The following WEE2 variants were observed in gnomAD, a reference collection of about 807,000 sequenced individuals.
The protein encoded by WEE2 is WEE2 oocyte meiosis inhibiting kinase, also known as wee1-like protein kinase 2.
WEE2 carries 50 observed loss-of-function variants against 60.1 expected under a neutral mutation model. That is an observed-to-expected ratio of 0.83 (90% CI 0.66 to 1.05). The LOEUF (loss-of-function observed/expected upper bound fraction) is 1.05, where lower values mean the gene tolerates loss of function less well. Among genes scored for constraint, WEE2 ranks in the 50% least tolerant of loss-of-function variants. The probability of loss-of-function intolerance (pLI) is 0.00; values close to 1 mark genes in which losing one functional copy is unlikely to be tolerated. For synonymous variants in WEE2, 240 were observed against 241.0 expected, an observed-to-expected ratio of 1.00 and a Z score of 0.04; for missense variants, 631 against 684.3, an observed-to-expected ratio of 0.92 and a Z score of 0.87.
At chr7:141,725,294 C>A in intron 9 of WEE2, 98 bp downstream of exon 9, 1 of 1,347,424 alleles carries the variant, frequency 7.4e-7, no homozygotes, top group South Asian at 1.5e-5. Flanking sequence ...CTAGTAGTGT[C>A]ACTAACAGAA....
At chr7:141,712,620 G>T (rs764003264) in intron 1 of WEE2, among the ~76,000 whole-genome samples, 2 of 152,032 alleles carry the variant, frequency 1.3e-5, no homozygotes, top group African/African-American at 2.4e-5. Context: ...ATCATAAGTG[G>T]TGCTCACAAA....
At chr7:141,723,911 C>T in intron 6 of WEE2, 30 bp from the exon 7 acceptor site, 1 of 1,423,780 alleles carries the variant, frequency 7.0e-7, no homozygotes, top group Non-Finnish European at 9.8e-7. Context: ...GAAGTCATTA[C>T]TTACATCTAT....
Position 141,729,555 on chromosome 7 carries a change from C to G in WEE2, c.1560C>G (p.Ala520=). ...LERELREAQQ[A]QSPQGYTHHG... is the part of the protein sequence containing the mutation. ...GGGAACTGAGAGAAGCCCAGCAGGC[C>G]CAGTCACCCCAGGGATATACCCATC... The change falls in exon 11 of 12, where the codon GCC becomes GCG. Residue 520 remains alanine, a synonymous_variant. Coordinates refer to ENST00000397541, the MANE Select transcript of WEE2 (RefSeq NM_001105558.1). The G allele has an allele frequency of 1.2e-6, 2 of 1,614,160 alleles. No homozygotes were observed. Among genetic ancestry groups the G allele is most frequent in the Non-Finnish European group, 1.7e-6 (2 of 1,180,030 alleles).
At chr7:141,726,944 G>A (rs1364592465) in intron 9 of WEE2, among the ~76,000 whole-genome samples, 1 of 152,226 alleles carries the variant, frequency 6.6e-6, no homozygotes, top group African/African-American at 2.4e-5. Flanking sequence ...GTGGTAGAAA[G>A]TAAACTGGAG....
intron 10 of WEE2, 39 bp downstream of exon 10, chr7:141,727,485 A>G: frequency 6.2e-7 from 1 of 1,610,020 alleles, no homozygotes; most frequent in Non-Finnish European, 8.5e-7. Flanking sequence ...AAAGAATCTG[A>G]GCACTACTCA....
In WEE2 at chr7:141,714,349, G is replaced by A. The variant is rs776329174; in HGVS notation, c.483G>A (p.Glu161=). ...TCAATATTAATCCCTTCACTCCAGA[G>A]TCCTATAAAAAATTATTTCTTCAAT... ...ALVNINPFTP[E]SYKKLFLQSG... Residue 161 remains glutamate, a synonymous_variant, in exon 2 of 12, where the codon GAG becomes GAA. Transcript: ENST00000397541. 3 of 1,613,052 alleles carry A rather than the reference G, an allele frequency of 1.9e-6. No homozygotes were observed. Among genetic ancestry groups the A allele is most frequent in the Non-Finnish European group, 1.7e-6 (2 of 1,179,660 alleles).
chr7:141,721,763 C>T (rs571552146), intron 5 of WEE2, among the ~76,000 whole-genome samples: 4 of 152,190 alleles, frequency 2.6e-5, no homozygotes, highest in Admixed American at 2.0e-4. Flanking sequence ...TGCATCTAGC[C>T]GAGTGACTTC....
At chr7:141,716,291 C>T (rs372210789) in intron 3 of WEE2, 24 bp downstream of exon 3, 114 of 1,610,030 alleles carry the variant, frequency 7.1e-5, no homozygotes, top group Middle Eastern at 1.7e-4. Flanking sequence ...TTTGTCCCAG[C>T]GGCCACAATA....
rs569804305 is a variant in WEE2, at chr7:141,708,468, GT to G, written c.-290del. On this transcript the variant is annotated 5_prime_UTR_variant, in exon 1 of 12. It removes the in-frame stop codon of an upstream open reading frame in the 5' UTR. Coordinates refer to ENST00000397541, the MANE Select transcript of WEE2 (RefSeq NM_001105558.1). ...TATTTGGTAACACATGGGAGACTATGTGTCATATCCAGAAGAGTTCTGTACA... is the reference window on the plus strand; with the variant it reads ...TATTTGGTAACACATGGGAGACTATGGTCATATCCAGAAGAGTTCTGTACA... The G allele has an allele frequency of 7.6e-4, 300 of 394,262 alleles. 1 individual carries two copies. The highest frequency in any genetic ancestry group is 5.2e-3 in the African/African-American group (262 of 50,338). 24.4% of individuals were successfully genotyped at this position (394,262 alleles called of 1,614,324 possible). A position where few individuals can be genotyped will look rare whatever the true frequency, so the allele number is the denominator to read the frequency against.
At chr7:141,720,787 A>T in intron 4 of WEE2, 148 bp from the exon 5 acceptor site, 1 of 893,016 alleles carries the variant, frequency 1.1e-6, no homozygotes. Context: ...ATGATTATTA[A>T]GATTCAATGA....
intron 2 of WEE2, among the ~76,000 whole-genome samples, chr7:141,715,947 G>A (rs1342924672): frequency 6.6e-6 from 1 of 152,078 alleles, no homozygotes; most frequent in Non-Finnish European, 1.5e-5. Context: ...TTTTCCCTTA[G>A]CTAGTTCCTA....
Position 141,714,371 on chromosome 7 carries a change from C to T in WEE2, c.505C>T (p.Gln169Ter). The change falls in exon 2 of 12, where the codon CAA (glutamine) becomes TAA (stop). Residue 169 changes from glutamine (Q) to a stop codon, truncating the protein, a stop_gained. Coordinates refer to ENST00000397541, the MANE Select transcript of WEE2 (RefSeq NM_001105558.1). LOFTEE classifies it high-confidence loss of function. ...TPESYKKLFL[Q>*]SGGKRKIRGD... Reference sequence around the variant, plus strand: ...AGAGTCCTATAAAAAATTATTTCTTCAATCTGGTGGCAAGAGGAAAATAAG... The same window carrying T: ...AGAGTCCTATAAAAAATTATTTCTTTAATCTGGTGGCAAGAGGAAAATAAG... 6.2e-7 allele frequency: 1 copy of T among 1,611,758 alleles called. No homozygotes were observed. Among genetic ancestry groups the T allele is most frequent in the Non-Finnish European group, 8.5e-7 (1 of 1,179,232 alleles).
At chr7:141,725,384 T>C (rs541175291) in intron 9 of WEE2, among the ~76,000 whole-genome samples, 188 bp downstream of exon 9, 1 of 152,200 alleles carries the variant, frequency 6.6e-6, no homozygotes, top group Admixed American at 6.5e-5. Context: ...CTCAGCACTT[T>C]GGGAGGCCGA....
intron 1 of WEE2, among the ~76,000 whole-genome samples, chr7:141,712,074 A>G (rs1798718125): frequency 6.6e-6 from 1 of 152,114 alleles, no homozygotes; most frequent in Non-Finnish European, 1.5e-5. Flanking sequence ...ATGATATCCA[A>G]ATGATACCAG....
At position 141,724,055 on chromosome 7, in the gene WEE2, C is replaced by A. The variant is rs753086761; in HGVS notation, c.1135+7C>A. 6.2e-7 allele frequency: 1 copy of A among 1,605,620 alleles called. No individual in the cohort carries two copies. The highest frequency in any genetic ancestry group is 1.7e-5 in the Admixed American group (1 of 59,660). On this transcript the variant is annotated splice_region_variant and intron_variant, in intron 7 of 11. Transcript: ENST00000397541. ...AATGTGATGTATAAAATTGGTTAGTCTGCCTTATAGCCTTACCAGTTACCA... is the reference window on the plus strand; with the variant it reads ...AATGTGATGTATAAAATTGGTTAGTATGCCTTATAGCCTTACCAGTTACCA...
rs184933258 is a variant in WEE2 at position 141,730,072 on chromosome 7, A to T, written c.1679-223A>T. ...TCTGTAAATAGATATCAGCTGTCCC[A>T]ACCTTCCTCTTATAAAATGAAAAAA... On this transcript the variant is annotated intron_variant, in intron 11 of 11. Transcript: ENST00000397541. Among the ~76,000 whole-genome samples the T allele has an allele frequency of 2.2e-3, 341 of 152,076 alleles. 2 individuals carry two copies. The highest frequency in any genetic ancestry group is 8.0e-3 in the African/African-American group (333 of 41,484).
At chr7:141,722,909 T>C (rs1402064782) in intron 5 of WEE2, among the ~76,000 whole-genome samples, 1 of 152,244 alleles carries the variant, frequency 6.6e-6, no homozygotes, top group Non-Finnish European at 1.5e-5. Context: ...TTATGCTTTG[T>C]ACTGACACCG....
chr7:141,720,290 G>A (rs913073721), intron 4 of WEE2, among the ~76,000 whole-genome samples: 2 of 151,678 alleles, frequency 1.3e-5, no homozygotes, highest in East Asian at 1.9e-4. Flanking sequence ...CAAGTAGCTG[G>A]GACTACAGGC....
chr7:141,725,643 A>G (rs925390502), intron 9 of WEE2, among the ~76,000 whole-genome samples: 5 of 144,646 alleles, frequency 3.5e-5, no homozygotes, highest in African/African-American at 1.0e-4. Flanking sequence ...AAAAAAAAAA[A>G]GCAGGCAGCG....
Sources: allele counts gnomAD v4.1 joint callset (sites outside exome capture counted in the v4.1 genomes callset), GRCh38; gene constraint gnomAD v4.1.1; transcripts MANE v1.5; gene names NCBI Gene and HGNC (gene_info 2026-07-23, HGNC 2026-07-21).